PPM1A: variants seen among roughly 807,000 people sequenced by gnomAD.
PPM1A encodes the protein protein phosphatase, Mg2+/Mn2+ dependent 1A, also known as protein phosphatase 1A.
A neutral mutation model predicts 35.0 loss-of-function variants in PPM1A; 7 were observed. The ratio of observed to expected loss-of-function variants is 0.20; its 90% confidence interval spans 0.11 to 0.38. PPM1A has a LOEUF of 0.38. Among genes scored for constraint, PPM1A ranks in the 10% least tolerant of loss-of-function variants. The pLI is 1.00. For missense variants in PPM1A, 239 were observed against 467.8 expected (o/e 0.51, Z 4.51); for synonymous variants, 153 against 167.3 (o/e 0.91, Z 0.66).
chr14:60,278,003 C>T (rs1174056260), intron 1 of PPM1A, among the ~76,000 whole-genome samples: 1 of 152,120 alleles, frequency 6.6e-6, no homozygotes, highest in Non-Finnish European at 1.5e-5. Context: ...TTAACCTCAC[C>T]GTGGCTTAGT....
chr14:60,285,943 T>C (rs1886960653), intron 3 of PPM1A: 9 of 1,273,254 alleles, frequency 7.1e-6, no homozygotes, highest in Non-Finnish European at 9.0e-6. Context: ...TAACAACTAG[T>C]GTGGAAAGTA....
chr14:60,287,819 A>G (rs1887193113), intron 3 of PPM1A: 5 of 983,140 alleles, frequency 5.1e-6, no homozygotes, highest in African/African-American at 3.5e-5. Context: ...ACTTTTGTGT[A>G]TATATTTTCA....
chr14:60,255,361 CGG>C (rs981360574), intron 1 of PPM1A, among the ~76,000 whole-genome samples: 6 of 151,126 alleles, frequency 4.0e-5, no homozygotes, highest in African/African-American at 1.5e-4. Context: ...TTAGTAGAGA[CGG>C]GGTTTCACCG....
chr14:60,276,471 A>G (rs1311180355), intron 1 of PPM1A, among the ~76,000 whole-genome samples: 1 of 152,140 alleles, frequency 6.6e-6, no homozygotes, highest in Non-Finnish European at 1.5e-5. Flanking sequence ...AGTTACCAGT[A>G]TCCACCCTTC....
At chr14:60,264,219 C>T (rs1210809612) in intron 1 of PPM1A, among the ~76,000 whole-genome samples, 3 of 152,044 alleles carry the variant, frequency 2.0e-5, no homozygotes, top group Non-Finnish European at 4.4e-5. Context: ...GATAGGTTTC[C>T]TCCCATCAGC....
chr14:60,278,774 T>C (rs1886055565), intron 1 of PPM1A, among the ~76,000 whole-genome samples: 1 of 152,258 alleles, frequency 6.6e-6, no homozygotes, highest in Admixed American at 6.5e-5. Context: ...TTTTGCAGCC[T>C]TGTTCAGCAT....
chr14:60,258,548 T>TTA (rs1883394755), intron 1 of PPM1A, among the ~76,000 whole-genome samples: 1 of 152,132 alleles, frequency 6.6e-6, no homozygotes, highest in South Asian at 2.1e-4. Context: ...AAGTCATTGA[T>TTA]GAACAGTAAT....
chr14:60,295,844 T>A lies in PPM1A; in HGVS notation c.*3362T>A, dbSNP rs1888022154. ...AGGCCCCTGCCCTAAAGACCTTGTT[T>A]ATACTTCCTTTACTCACCTGAAAAC... On this transcript the variant is annotated 3_prime_UTR_variant, in exon 6 of 6. Coordinates refer to ENST00000395076, the MANE Select transcript of PPM1A (RefSeq NM_021003.5). The A allele has an allele frequency of 6.6e-6, 1 of 151,700 alleles. No individual in the cohort carries two copies. The allele number at this position is 151,700 out of a possible 1,614,324, so 9.4% of individuals were successfully genotyped here. A position where few individuals can be genotyped will look rare whatever the true frequency, so the allele number is the denominator to read the frequency against.
intron 1 of PPM1A, among the ~76,000 whole-genome samples, chr14:60,276,690 A>C (rs971862398): frequency 5.9e-5 from 9 of 152,164 alleles, no homozygotes; most frequent in African/African-American, 1.9e-4. Flanking sequence ...TTTCTGCTCA[A>C]ATTGTCAGTT....
chr14:60,287,482 A>G (rs1033436125), intron 3 of PPM1A: 1 of 985,198 alleles, frequency 1.0e-6, no homozygotes, highest in Non-Finnish European at 1.2e-6. Context: ...AACTGTTTGT[A>G]TTGTAAAAGT....
At chr14:60,259,022 G>T (rs1056721185) in intron 1 of PPM1A, among the ~76,000 whole-genome samples, 1 of 152,088 alleles carries the variant, frequency 6.6e-6, no homozygotes, top group Non-Finnish European at 1.5e-5. Context: ...GCGATTTGAG[G>T]TGTGGCTATT....
In PPM1A at chr14:60,292,481, A is replaced by G; in HGVS notation, c.1148A>G (p.Ter383=). 1 of 1,599,480 alleles carries G rather than the reference A, an allele frequency of 6.3e-7. No individual in the cohort carries two copies. The highest frequency in any genetic ancestry group is 1.1e-5 in the South Asian group (1 of 90,588). Residue 383 remains the stop codon, a stop_retained_variant, in exon 6 of 6, where the codon TAA becomes TGA. Transcript: ENST00000395076. This position sits in a 1 kb window ranked among gnomAD's most constrained non-coding sequence, Gnocchi z 4.2. ...TDSTSTDDMW[*] ...TCTACATCAACAGATGATATGTGGT[A>G]AAACTGCTCATCTAGCCATGGAGTT... is the stretch of plus-strand genomic sequence containing the variant.
intron 3 of PPM1A, chr14:60,287,977 T>G (rs1887213177): frequency 2.0e-6 from 2 of 983,082 alleles, no homozygotes; most frequent in Non-Finnish European, 2.4e-6. Context: ...TATATAAATA[T>G]TCTTTAGAAA....
chr14:60,258,240 G>T (rs991790146), intron 1 of PPM1A, among the ~76,000 whole-genome samples: 1 of 152,054 alleles, frequency 6.6e-6, no homozygotes, highest in African/African-American at 2.4e-5. Flanking sequence ...CCAAGATTAA[G>T]TTAGAGATAT....
Position 60,289,729 on chromosome 14 carries a change from C to G in PPM1A, c.953-77C>G. On this transcript the variant is annotated intron_variant, in intron 3 of 5. Coordinates refer to ENST00000395076, the MANE Select transcript of PPM1A (RefSeq NM_021003.5). The surrounding 1 kb of genome is among the most constrained non-coding windows in gnomAD (Gnocchi z 4.1). Reference sequence around the variant, plus strand: ...TGTGGTAAATGCCATCTTTAAAAAGCTAGGTTATCTTTGTTTCGGTTTTCT... The same window carrying G: ...TGTGGTAAATGCCATCTTTAAAAAGGTAGGTTATCTTTGTTTCGGTTTTCT... 1.1e-6 allele frequency: 1 copy of G among 903,318 alleles called. No individual in the cohort carries two copies. Among genetic ancestry groups the G allele is most frequent in the Non-Finnish European group, 1.7e-6 (1 of 572,388 alleles). 56.0% of individuals were successfully genotyped at this position (903,318 alleles called of 1,614,324 possible).
intron 1 of PPM1A, among the ~76,000 whole-genome samples, chr14:60,276,287 G>A (rs575758137): frequency 6.6e-6 from 1 of 152,246 alleles, no homozygotes; most frequent in African/African-American, 2.4e-5. Context: ...GTTTGTTAAC[G>A]TTCCTTTTCC....
At chr14:60,258,091 G>T (rs1258587378) in intron 1 of PPM1A, among the ~76,000 whole-genome samples, 1 of 151,814 alleles carries the variant, frequency 6.6e-6, no homozygotes, top group African/African-American at 2.4e-5. Flanking sequence ...TTCTCTTTCT[G>T]CGTAAATGCT....
At position 60,296,565 on chromosome 14, in the gene PPM1A, T is replaced by C; in HGVS notation, c.*4083T>C. 3.1e-6 allele frequency: 1 copy of C among 318,444 alleles called. No homozygotes were observed. The highest frequency in any genetic ancestry group is 5.8e-6 in the Non-Finnish European group (1 of 172,096). 19.7% of individuals were successfully genotyped at this position (318,444 alleles called of 1,614,324 possible). On this transcript the variant is annotated 3_prime_UTR_variant, in exon 6 of 6. Coordinates refer to ENST00000395076, the MANE Select transcript of PPM1A (RefSeq NM_021003.5). This position sits in a 1 kb window ranked among gnomAD's most constrained non-coding sequence, Gnocchi z 4.4. ...AGTATCTAGTCTTCTAGTTTTTCTT[T>C]TAGGCATTAGGAAGCCTTCTTTAGA...
At chr14:60,269,731 T>C (rs575368137) in intron 1 of PPM1A, among the ~76,000 whole-genome samples, 3 of 152,182 alleles carry the variant, frequency 2.0e-5, no homozygotes, top group East Asian at 3.9e-4. Flanking sequence ...ATATTTTTAG[T>C]AGAGATGGGG....
Sources: gnomAD v4.1 joint callset for allele counts (sites outside exome capture counted in the v4.1 genomes callset) on GRCh38, gnomAD v4.1.1 for gene constraint, Gnocchi (gnomAD v3.1) non-coding constraint, MANE v1.5 for transcripts, NCBI Gene and HGNC (gene_info 2026-07-23, HGNC 2026-07-21) for gene names.